The following ERBB4 variants were observed in gnomAD, a reference collection of about 807,000 sequenced individuals.
ERBB4 encodes erb-b2 receptor tyrosine kinase 4.
ERBB4 carries 42 observed loss-of-function variants against 158.0 expected under a neutral mutation model. The ratio of observed to expected loss-of-function variants is 0.27; its 90% CI spans 0.21 to 0.34. ERBB4 has a LOEUF of 0.34. Ranked by LOEUF, ERBB4 falls within the 10% of genes least tolerant of loss-of-function variation. ERBB4 has a pLI of 1.00. For synonymous variants in ERBB4, 583 were observed against 558.7 expected (o/e 1.04, Z -0.61); for missense variants, 1,333 against 1,624.1 (o/e 0.82, Z 3.08).
chr2:211,529,126 G>C (rs2066427616), intron 20 of ERBB4, among the ~76,000 whole-genome samples: 1 of 149,568 alleles, frequency 6.7e-6, no homozygotes, highest in Non-Finnish European at 1.5e-5. Context: ...ATAAAAAAGA[G>C]AGGAGACCCA....
chr2:212,264,262 T>G (rs2085050240), intron 1 of ERBB4, among the ~76,000 whole-genome samples: 2 of 152,126 alleles, frequency 1.3e-5, no homozygotes, highest in Admixed American at 1.3e-4. Context: ...CGCCTGGCTT[T>G]CCTTTCACTA....
rs1315385084 is a variant in ERBB4 at position 212,538,667 on chromosome 2, C to T, written c.-137G>A. 2.1e-5 allele frequency: 17 copies of T among 828,332 alleles called. No individual in the cohort carries two copies. The Admixed American group carries it at 3.8e-4, about 19-fold the overall frequency. 51.3% of individuals were successfully genotyped at this position (828,332 alleles called of 1,614,324 possible). On this transcript the variant is annotated 5_prime_UTR_variant, in exon 1 of 28. Coordinates refer to ENST00000342788, the MANE Select transcript of ERBB4 (RefSeq NM_005235.3). ...GGCGGGCGCGGCGCGCGCGGTGTGG[C>T]GACTCCCAGGGCGGGCGACCGAGTC...
chr2:212,188,804 T>C (rs2082105031), intron 1 of ERBB4, among the ~76,000 whole-genome samples: 1 of 152,010 alleles, frequency 6.6e-6, no homozygotes, highest in Non-Finnish European at 1.5e-5. Context: ...GACATAGTCT[T>C]CCATAGACTC....
At position 211,832,525 on chromosome 2, in the gene ERBB4, A is replaced by G. The variant is rs560783615; in HGVS notation, c.422-44366T>C. 1.1e-3 allele frequency among the ~76,000 whole-genome samples: 162 copies of G among 152,022 alleles called. 2 individuals are homozygous for G. Among genetic ancestry groups the G allele is most frequent in the Middle Eastern group, 0.01 (3 of 294 alleles). ...AAGATAAAAACTCTCCTTATCAAAT[A>G]CTGAAATATGTTTCTTGAAATAACA... On this transcript the variant is annotated intron_variant, in intron 3 of 27. Coordinates refer to ENST00000342788, the MANE Select transcript of ERBB4 (RefSeq NM_005235.3).
intron 20 of ERBB4, among the ~76,000 whole-genome samples, chr2:211,485,023 A>G (rs1459557480): frequency 1.3e-5 from 2 of 152,204 alleles, no homozygotes; most frequent in Non-Finnish European, 2.9e-5. Flanking sequence ...AAAAGGTAAA[A>G]TTCAAGGGTG....
chr2:211,774,089 T>A (rs2075811812), intron 4 of ERBB4, among the ~76,000 whole-genome samples: 1 of 151,584 alleles, frequency 6.6e-6, no homozygotes, highest in Non-Finnish European at 1.5e-5. Context: ...TTTTTTTTTC[T>A]TGAGATGGAG....
At chr2:211,450,701 A>G (rs2064224587) in intron 20 of ERBB4, among the ~76,000 whole-genome samples, 1 of 152,146 alleles carries the variant, frequency 6.6e-6, no homozygotes, top group Admixed American at 6.5e-5. Flanking sequence ...TTCAGTTTAA[A>G]TATTATGTCC....
intron 1 of ERBB4, among the ~76,000 whole-genome samples, chr2:212,320,657 C>T (rs1229179408): frequency 6.7e-6 from 1 of 149,602 alleles, no homozygotes; most frequent in Non-Finnish European, 1.5e-5. Flanking sequence ...AGCATTGGGA[C>T]ACAGAAAGCC....
chr2:211,954,174 A>G (rs2080963963), intron 2 of ERBB4, among the ~76,000 whole-genome samples: 1 of 152,052 alleles, frequency 6.6e-6, no homozygotes, highest in African/African-American at 2.4e-5. Flanking sequence ...TTGATCCTTA[A>G]TAGAAATGAA....
intron 1 of ERBB4, among the ~76,000 whole-genome samples, chr2:212,518,096 T>C (rs1419542128): frequency 6.6e-6 from 1 of 152,026 alleles, no homozygotes; most frequent in Non-Finnish European, 1.5e-5. Flanking sequence ...AAGATACATA[T>C]TTAATTTATA....
intron 1 of ERBB4, among the ~76,000 whole-genome samples, chr2:212,172,587 A>C (rs915763757): frequency 1.3e-5 from 2 of 152,186 alleles, no homozygotes; most frequent in African/African-American, 4.8e-5. Flanking sequence ...TACACCATGG[A>C]ATACTATGCA....
chr2:212,101,270 T>C (rs1200445775), intron 2 of ERBB4, among the ~76,000 whole-genome samples: 1 of 151,264 alleles, frequency 6.6e-6, no homozygotes, highest in Non-Finnish European at 1.5e-5. Flanking sequence ...GATAAGTAAA[T>C]TTATGAATAA....
intron 16 of ERBB4, among the ~76,000 whole-genome samples, chr2:211,639,172 T>G (rs1163144594): frequency 6.6e-6 from 1 of 152,156 alleles, no homozygotes; most frequent in East Asian, 1.9e-4. Flanking sequence ...ATACAGTAAC[T>G]TTATTATTGT....
At chr2:212,367,426 T>C (rs1250003839) in intron 1 of ERBB4, among the ~76,000 whole-genome samples, 2 of 151,986 alleles carry the variant, frequency 1.3e-5, no homozygotes, top group African/African-American at 4.8e-5. Context: ...TCACCTTATA[T>C]GAAAATCAAC....
intron 3 of ERBB4, among the ~76,000 whole-genome samples, chr2:211,884,173 T>G (rs146208250): frequency 6.6e-6 from 1 of 152,224 alleles, no homozygotes; most frequent in Non-Finnish European, 1.5e-5. Context: ...ACACTCTGGA[T>G]ACATGATTCC....
chr2:211,944,222 ACAC>A (rs1393596540), intron 3 of ERBB4, among the ~76,000 whole-genome samples: 14 of 56,604 alleles, frequency 2.5e-4, no homozygotes, highest in African/African-American at 7.0e-4. Flanking sequence ...ATACACACAC[ACAC>A]AAAAAAAAAG....
At chr2:211,672,433 T>C (rs761727180) in intron 14 of ERBB4, among the ~76,000 whole-genome samples, 3 of 152,190 alleles carry the variant, frequency 2.0e-5, no homozygotes, top group African/African-American at 7.2e-5. Context: ...AAAATAATTA[T>C]AATTTTCTCT....
Position 212,538,665 on chromosome 2 carries a change from G to C in ERBB4, c.-135C>G, listed in dbSNP as rs1693252205. On this transcript the variant is annotated 5_prime_UTR_variant, in exon 1 of 28. Coordinates refer to ENST00000342788, the MANE Select transcript of ERBB4 (RefSeq NM_005235.3). ...GGGGCGGGCGCGGCGCGCGCGGTGTGGCGACTCCCAGGGCGGGCGACCGAG... is the reference window on the plus strand; with the variant it reads ...GGGGCGGGCGCGGCGCGCGCGGTGTCGCGACTCCCAGGGCGGGCGACCGAG... The C allele has an allele frequency of 1.2e-6, 1 of 848,062 alleles. No homozygotes were observed. Among genetic ancestry groups the C allele is most frequent in the Non-Finnish European group, 1.9e-6 (1 of 537,710 alleles). 52.5% of individuals were successfully genotyped at this position (848,062 alleles called of 1,614,324 possible).
intron 20 of ERBB4, among the ~76,000 whole-genome samples, chr2:211,554,702 C>G (rs1219165892): frequency 6.6e-6 from 1 of 152,164 alleles, no homozygotes; most frequent in East Asian, 1.9e-4. Flanking sequence ...TTAACTGGAA[C>G]CCAAGTGCAA....
Sources: gnomAD v4.1 joint callset for allele counts (sites outside exome capture counted in the v4.1 genomes callset) on GRCh38, gnomAD v4.1.1 for gene constraint, MANE v1.5 for transcripts, NCBI Gene and HGNC (gene_info 2026-07-23, HGNC 2026-07-21) for gene names.